KMT2C: variants seen among roughly 807,000 people sequenced by gnomAD.
The protein encoded by KMT2C is lysine methyltransferase 2C.
A neutral mutation model predicts 507.9 loss-of-function variants in KMT2C; 88 were observed. The ratio of observed to expected loss-of-function variants is 0.17; its 90% CI spans 0.15 to 0.21. The LOEUF (loss-of-function observed/expected upper bound fraction) is 0.21, where lower values mean the gene tolerates loss of function less well. Ranked by LOEUF, KMT2C falls within the 10% of genes least tolerant of loss-of-function variation. The pLI, the probability that KMT2C is intolerant of heterozygous loss-of-function variation, is 1.00. For synonymous variants in KMT2C, 2,049 were observed against 2,080.8 expected, an observed-to-expected ratio of 0.98 and a Z score of 0.42; for missense variants, 4,954 against 5,957.8, an observed-to-expected ratio of 0.83 and a Z score of 5.55.
intron 6 of KMT2C, among the ~76,000 whole-genome samples, chr7:152,298,045 T>G (rs1563771231): frequency 6.6e-6 from 1 of 151,782 alleles, no homozygotes; most frequent in Non-Finnish European, 1.5e-5. Flanking sequence ...GATTAGAAAC[T>G]GCAGAAGAAA....
intron 6 of KMT2C, among the ~76,000 whole-genome samples, chr7:152,286,101 T>G (rs2096291994): frequency 6.6e-6 from 1 of 152,306 alleles, no homozygotes; most frequent in African/African-American, 2.4e-5. Flanking sequence ...AATACATGAA[T>G]AGTGTATCTA....
intron 1 of KMT2C, among the ~76,000 whole-genome samples, chr7:152,419,558 T>A (rs1027495607): frequency 3.9e-5 from 6 of 152,216 alleles, no homozygotes; most frequent in Non-Finnish European, 7.3e-5. Context: ...GTTTTACAGT[T>A]GTTGCCGGTT....
intron 18 of KMT2C, among the ~76,000 whole-genome samples, chr7:152,229,020 G>A (rs1262554066): frequency 1.3e-5 from 2 of 152,146 alleles, no homozygotes; most frequent in Non-Finnish European, 2.9e-5. Flanking sequence ...AAAGAATTCT[G>A]AAGGAGATAA....
intron 6 of KMT2C, among the ~76,000 whole-genome samples, chr7:152,295,766 G>C (rs1275984179): frequency 2.0e-5 from 3 of 152,098 alleles, no homozygotes; most frequent in Non-Finnish European, 4.4e-5. Flanking sequence ...TCAGTTATTG[G>C]TTTAAGATAT....
At position 152,159,084 on chromosome 7, in the gene KMT2C, G is replaced by C. The variant is rs2129101693; in HGVS notation, c.11461-12C>G. ...GCCCCCAAAGTTTGCTAATGTAATTGGAAAGGGTAAAAAATAAGTGAACAA... is the reference window on the plus strand; with the variant it reads ...GCCCCCAAAGTTTGCTAATGTAATTCGAAAGGGTAAAAAATAAGTGAACAA... On this transcript the variant is annotated splice_polypyrimidine_tract_variant and intron_variant, in intron 43 of 58. Coordinates refer to ENST00000262189, the MANE Select transcript of KMT2C (RefSeq NM_170606.3). 6.2e-7 allele frequency: 1 copy of C among 1,612,658 alleles called. No individual in the cohort carries two copies.
At chr7:152,354,408 T>C (rs2097136889) in intron 2 of KMT2C, among the ~76,000 whole-genome samples, 1 of 152,220 alleles carries the variant, frequency 6.6e-6, no homozygotes, top group African/African-American at 2.4e-5. Context: ...GAAGTATTCT[T>C]GGCACTGGGG....
rs370914059 is a variant in KMT2C, at chr7:152,343,919, C to T, written c.251-13180G>A. Among the ~76,000 whole-genome samples the T allele has an allele frequency of 1.3e-4, 20 of 152,080 alleles. No homozygotes were observed. In the East Asian group the frequency reaches 1.4e-3, roughly 10 times the overall value. On this transcript the variant is annotated intron_variant, in intron 2 of 58. Transcript: ENST00000262189. ...AAAAGTCCTTCAGAGAGAACAAGAA[C>T]GGTACAGGTCAAAAACTTAGACCTA...
intron 1 of KMT2C, among the ~76,000 whole-genome samples, chr7:152,376,445 A>T (rs1459131927): frequency 6.6e-6 from 1 of 152,234 alleles, no homozygotes. Context: ...GCCAATTGTG[A>T]ATGTAAATGA....
At chr7:152,264,106 C>A (rs182972424) in intron 8 of KMT2C, among the ~76,000 whole-genome samples, 2 of 152,254 alleles carry the variant, frequency 1.3e-5, no homozygotes, top group Admixed American at 1.3e-4. Flanking sequence ...TAATCCTTCC[C>A]AAGAAACTGA....
At chr7:152,157,319 C>A (rs1255664937) in intron 44 of KMT2C, among the ~76,000 whole-genome samples, 7 of 147,388 alleles carry the variant, frequency 4.7e-5, no homozygotes, top group African/African-American at 1.7e-4. Context: ...CAGAGCGAGA[C>A]CCTGTCTCAA....
intron 23 of KMT2C, 142 bp from the exon 24 acceptor site, chr7:152,207,570 T>C (rs959027626): frequency 2.2e-5 from 15 of 694,190 alleles, no homozygotes; most frequent in East Asian, 1.2e-4. Context: ...TGAAAGGAGA[T>C]AGAAGAAGCC....
chr7:152,253,840 T>C (rs1220397820), intron 9 of KMT2C, among the ~76,000 whole-genome samples: 1 of 152,202 alleles, frequency 6.6e-6, no homozygotes, highest in Non-Finnish European at 1.5e-5. Context: ...GAATTGTTTA[T>C]GAAGTAAAAG....
chr7:152,222,797 C>G (rs992055486), intron 20 of KMT2C, 115 bp from the exon 21 acceptor site: 1 of 636,606 alleles, frequency 1.6e-6, no homozygotes, highest in Non-Finnish European at 2.8e-6. Context: ...GCCTCACATG[C>G]TCCTCCTACC....
intron 1 of KMT2C, chr7:152,367,148 A>C: frequency 7.5e-7 from 1 of 1,339,252 alleles, no homozygotes; most frequent in Non-Finnish European, 1.0e-6. Flanking sequence ...AGCACTGGAG[A>C]AACGAGGAAA....
At chr7:152,196,908 G>A (rs1016572808) in intron 27 of KMT2C, among the ~76,000 whole-genome samples, 2 of 152,148 alleles carry the variant, frequency 1.3e-5, no homozygotes, top group Admixed American at 6.6e-5. Flanking sequence ...AAGAAAAACT[G>A]TGGTAAGGAT....
At chr7:152,368,367 G>T in intron 1 of KMT2C, 2 of 1,122,190 alleles carry the variant, frequency 1.8e-6, no homozygotes, top group South Asian at 2.6e-5. Context: ...TGGCACAAAT[G>T]GAAGAAGAAA....
rs774644124 is a variant in KMT2C, at chr7:152,182,231, G to C, written c.5629C>G (p.Pro1877Ala). 6.2e-7 allele frequency: 1 copy of C among 1,614,076 alleles called. No individual in the cohort carries two copies. The highest frequency in any genetic ancestry group is 1.1e-5 in the South Asian group (1 of 91,058). Residue 1877 changes from proline (P) to alanine (A), a missense_variant, in exon 36 of 59, where the codon CCC becomes GCC. By Grantham distance (27) the Pro-to-Ala change is conservative. This residue lies in a region of KMT2C where 1,689 missense variants were observed against 1,654.3 expected (regional missense o/e 1.02). Coordinates refer to ENST00000262189, the MANE Select transcript of KMT2C (RefSeq NM_170606.3). ...SLSQAQTSQP[P>A]SPQVFSPGSS... The stretch of plus-strand genomic sequence containing the variant: ...CCAGGTGAAAACACTTGCGGTGAGG[G>C]TGGCTGAGAAGTCTGAGCCTGAGAA...
At chr7:152,192,389 A>G (rs948238979) in intron 31 of KMT2C, among the ~76,000 whole-genome samples, 3 of 152,128 alleles carry the variant, frequency 2.0e-5, no homozygotes, top group African/African-American at 7.2e-5. Flanking sequence ...AAAAATACAA[A>G]AAATTAGCCG....
intron 1 of KMT2C, among the ~76,000 whole-genome samples, chr7:152,429,063 C>CGAGG (rs2097845972): frequency 6.6e-6 from 1 of 152,118 alleles, no homozygotes; most frequent in Non-Finnish European, 1.5e-5. Context: ...ATTGCTCCCT[C>CGAGG]ACACACTCAT....
Sources: gnomAD v4.1 joint callset for allele counts (sites outside exome capture counted in the v4.1 genomes callset) on GRCh38, gnomAD v4.1.1 for gene constraint, gnomAD v4.1.1 regional missense constraint, MANE v1.5 for transcripts, NCBI Gene and HGNC (gene_info 2026-07-23, HGNC 2026-07-21) for gene names.